The following SMYD3 variants were observed in gnomAD, a reference collection of about 807,000 sequenced individuals.
SMYD3 encodes SET and MYND domain containing 3.
SMYD3 carries 36 observed loss-of-function variants against 57.7 expected under a neutral mutation model. The ratio of observed to expected loss-of-function variants is 0.62; its 90% CI spans 0.48 to 0.82. The LOEUF (loss-of-function observed/expected upper bound fraction) is 0.82. SMYD3 is among the 40% of genes least tolerant of loss of function. The pLI, the probability that SMYD3 is intolerant of heterozygous loss-of-function variation, is 0.00. For missense variants in SMYD3, 515 were observed against 538.8 expected, an observed-to-expected ratio of 0.96 and a Z score of 0.44; for synonymous variants, 211 against 195.0, an observed-to-expected ratio of 1.08 and a Z score of -0.68.
At chr1:246,239,002 T>G (rs577039111) in intron 5 of SMYD3, among the ~76,000 whole-genome samples, 1 of 151,262 alleles carries the variant, frequency 6.6e-6, no homozygotes, top group Non-Finnish European at 1.5e-5. Context: ...ACGTTTTCGG[T>G]GGATAGTCAC....
chr1:245,996,667 C>T (rs1266652856), intron 5 of SMYD3, among the ~76,000 whole-genome samples: 1 of 152,136 alleles, frequency 6.6e-6, no homozygotes, highest in Non-Finnish European at 1.5e-5. Flanking sequence ...AAAGTAGAGG[C>T]GTAACTCCAA....
chr1:246,089,225 C>T (rs1319069107), intron 5 of SMYD3, among the ~76,000 whole-genome samples: 10 of 152,078 alleles, frequency 6.6e-5, no homozygotes, highest in African/African-American at 1.2e-4. Flanking sequence ...GTAATCCTCC[C>T]GCCTCAGCCT....
chr1:246,439,832 C>A (rs2067436644), intron 1 of SMYD3, among the ~76,000 whole-genome samples: 1 of 152,098 alleles, frequency 6.6e-6, no homozygotes, highest in South Asian at 2.1e-4. Context: ...CCCCTATAGT[C>A]CCAGCTACCA....
chr1:246,223,369 C>G (rs1247516672), intron 5 of SMYD3, among the ~76,000 whole-genome samples: 1 of 152,148 alleles, frequency 6.6e-6, no homozygotes, highest in Middle Eastern at 3.4e-3. Flanking sequence ...AAGAGCGATG[C>G]CTTGATTTTG....
At chr1:246,227,294 G>A (rs764063387) in intron 5 of SMYD3, among the ~76,000 whole-genome samples, 1 of 152,160 alleles carries the variant, frequency 6.6e-6, no homozygotes, top group African/African-American at 2.4e-5. Flanking sequence ...TTCAGCTCAT[G>A]CACTGGGGCG....
intron 1 of SMYD3, among the ~76,000 whole-genome samples, chr1:246,499,491 G>C (rs2068424297): frequency 6.6e-6 from 1 of 151,660 alleles, no homozygotes; most frequent in African/African-American, 2.4e-5. Flanking sequence ...GGGTCTCACT[G>C]TGTCACCCAG....
intron 8 of SMYD3, among the ~76,000 whole-genome samples, chr1:245,912,157 G>C (rs1332620840): frequency 6.6e-6 from 1 of 152,020 alleles, no homozygotes; most frequent in Non-Finnish European, 1.5e-5. Context: ...ATTCAGTAAA[G>C]CTGCAAGATA....
At chr1:245,820,464 C>T (rs1179648405) in intron 10 of SMYD3, among the ~76,000 whole-genome samples, 2 of 145,794 alleles carry the variant, frequency 1.4e-5, no homozygotes, top group Non-Finnish European at 3.0e-5. Context: ...AAACTGGAAG[C>T]ATTCCCTTTG....
chr1:246,507,152 G>A lies in SMYD3; in HGVS notation c.66C>T (p.Thr22=). The A allele has an allele frequency of 3.3e-6, 5 of 1,533,090 alleles. No individual in the cohort carries two copies. The highest frequency in any genetic ancestry group is 4.4e-6 in the Non-Finnish European group (5 of 1,140,078). The allele number at this position is 1,533,090 out of a possible 1,614,324, so 95.0% of individuals were successfully genotyped here. A position where few individuals can be genotyped will look rare whatever the true frequency, so the allele number is the denominator to read the frequency against. The change falls in exon 1 of 12, where the codon ACC becomes ACT. Residue 22 remains threonine (T), a synonymous_variant. Coordinates refer to ENST00000490107, the MANE Select transcript of SMYD3 (RefSeq NM_001167740.2). The part of the protein sequence containing the change: ...AKRGNGLRAV[T]PLRPGELLFR... ...AGAGTAGCTCTCCGGGGCGCAGCGG[G>A]GTCACGGCGCGCAGCCCGTTTCCCC...
intron 5 of SMYD3, among the ~76,000 whole-genome samples, chr1:246,118,116 T>A (rs924619998): frequency 3.4e-4 from 52 of 152,124 alleles, no homozygotes; most frequent in African/African-American, 1.2e-3. Flanking sequence ...TATATAAACC[T>A]GAAGTGCTAA....
chr1:245,993,212 G>A (rs1205809514), intron 5 of SMYD3, among the ~76,000 whole-genome samples: 1 of 152,156 alleles, frequency 6.6e-6, no homozygotes, highest in Non-Finnish European at 1.5e-5. Context: ...AATGTTCACT[G>A]CTGTGTAAGA....
intron 1 of SMYD3, among the ~76,000 whole-genome samples, chr1:246,380,724 C>T (rs541918507): frequency 7.2e-5 from 11 of 152,296 alleles, no homozygotes; most frequent in African/African-American, 2.4e-4. Context: ...GCTCACCAAG[C>T]GCCTATTATG....
chr1:245,857,593 G>A (rs2051316309), intron 10 of SMYD3, among the ~76,000 whole-genome samples: 1 of 152,160 alleles, frequency 6.6e-6, no homozygotes, highest in Non-Finnish European at 1.5e-5. Flanking sequence ...TGGAGCCCCT[G>A]TTCTCCAGGG....
intron 10 of SMYD3, among the ~76,000 whole-genome samples, chr1:245,816,158 G>T (rs1001318787): frequency 6.6e-6 from 1 of 152,140 alleles, no homozygotes; most frequent in African/African-American, 2.4e-5. Flanking sequence ...CCTACCTGTC[G>T]CTAGCCTTCC....
chr1:245,949,775 C>T lies in SMYD3; in HGVS notation c.532-19838G>A, dbSNP rs2057554935. ...AGTGAGCCAAGATTGTACCACTGGA[C>T]TCCAGCCTGGGCAACAGAGTGAGAC... On this transcript the variant is annotated intron_variant, in intron 5 of 11. Transcript: ENST00000490107. Among the ~76,000 whole-genome samples the T allele has an allele frequency of 2.0e-5, 3 of 152,220 alleles. No homozygotes were observed. The South Asian group carries it at 6.2e-4, about 32-fold the overall frequency.
chr1:246,058,584 T>G (rs1009222190), intron 5 of SMYD3, among the ~76,000 whole-genome samples: 1 of 152,132 alleles, frequency 6.6e-6, no homozygotes, highest in African/African-American at 2.4e-5. Context: ...ATTTTACACT[T>G]TCTCAAACAT....
chr1:245,849,494 A>G (rs558782771), intron 10 of SMYD3, among the ~76,000 whole-genome samples: 2 of 152,286 alleles, frequency 1.3e-5, no homozygotes, highest in South Asian at 4.2e-4. Context: ...GTCAGGTGGC[A>G]CTGCCACTTA....
At chr1:246,136,078 T>C (rs2061661936) in intron 5 of SMYD3, among the ~76,000 whole-genome samples, 1 of 152,204 alleles carries the variant, frequency 6.6e-6, no homozygotes, top group African/African-American at 2.4e-5. Context: ...TTGTCATTCA[T>C]GTCCTGAAAT....
At chr1:246,275,880 C>T (rs1191380649) in intron 5 of SMYD3, among the ~76,000 whole-genome samples, 4 of 152,020 alleles carry the variant, frequency 2.6e-5, no homozygotes, top group African/African-American at 9.7e-5. Flanking sequence ...CGTATTAACA[C>T]TGGCAAGTTA....
Sources: gnomAD v4.1 joint callset for allele counts (sites outside exome capture counted in the v4.1 genomes callset) on GRCh38, gnomAD v4.1.1 for gene constraint, MANE v1.5 for transcripts, NCBI Gene and HGNC (gene_info 2026-07-23, HGNC 2026-07-21) for gene names.